NRXN3: variants seen among roughly 807,000 people sequenced by gnomAD.
NRXN3 encodes the protein neurexin 3, also known as neurexin III.
A neutral mutation model predicts 137.6 loss-of-function variants in NRXN3; 32 were observed. That is an observed-to-expected ratio of 0.23 (90% CI 0.18 to 0.31). The LOEUF is 0.31. NRXN3 is among the 10% of genes least tolerant of loss of function. The probability of loss-of-function intolerance (pLI) is 1.00; values close to 1 mark genes in which losing one functional copy is unlikely to be tolerated. For missense variants in NRXN3, 1,574 were observed against 2,062.5 expected (o/e 0.76, Z 4.59); for synonymous variants, 798 against 784.5 (o/e 1.02, Z -0.29).
chr14:79,668,789 C>T (rs1304957227), intron 17 of NRXN3, among the ~76,000 whole-genome samples: 3 of 151,998 alleles, frequency 2.0e-5, no homozygotes, highest in Admixed American at 6.6e-5. Flanking sequence ...TCTCATGTTT[C>T]CACAAGTGCC....
chr14:79,696,835 C>T (rs936221673), intron 18 of NRXN3, among the ~76,000 whole-genome samples: 2 of 151,866 alleles, frequency 1.3e-5, no homozygotes, highest in African/African-American at 4.8e-5. Flanking sequence ...TAATATCCAT[C>T]CATTTTAAAA....
At chr14:79,662,199 G>A (rs2098537612) in intron 16 of NRXN3, among the ~76,000 whole-genome samples, 1 of 152,056 alleles carries the variant, frequency 6.6e-6, no homozygotes. Flanking sequence ...TCACAGAATG[G>A]AAAGGACTAA....
intron 15 of NRXN3, among the ~76,000 whole-genome samples, chr14:79,274,675 A>G (rs771807076): frequency 6.6e-6 from 1 of 152,222 alleles, no homozygotes; most frequent in Non-Finnish European, 1.5e-5. Context: ...GTTCAAAGGA[A>G]GCTAAATAAG....
intron 4 of NRXN3, among the ~76,000 whole-genome samples, chr14:78,549,494 A>G (rs1297913147): frequency 6.6e-6 from 1 of 152,206 alleles, no homozygotes; most frequent in African/African-American, 2.4e-5. Context: ...CCAAGCTTAC[A>G]GTGCTGTTTG....
At chr14:78,392,303 T>C (rs1377385168) in intron 4 of NRXN3, among the ~76,000 whole-genome samples, 1 of 152,224 alleles carries the variant, frequency 6.6e-6, no homozygotes, top group Non-Finnish European at 1.5e-5. Flanking sequence ...TTCCTAACTC[T>C]GACACTCACT....
intron 1 of NRXN3, among the ~76,000 whole-genome samples, chr14:78,236,331 A>G (rs2066294787): frequency 6.6e-6 from 1 of 152,244 alleles, no homozygotes; most frequent in Admixed American, 6.5e-5. Context: ...GTTTACATAA[A>G]TGAAGCACAT....
intron 15 of NRXN3, among the ~76,000 whole-genome samples, chr14:79,176,891 A>G (rs1441001857): frequency 3.3e-5 from 5 of 152,242 alleles, no homozygotes; most frequent in Non-Finnish European, 7.3e-5. Context: ...CACTGGCTTC[A>G]TCACAGGATC....
At chr14:78,736,610 A>T (rs1288152638) in intron 8 of NRXN3, among the ~76,000 whole-genome samples, 1 of 152,232 alleles carries the variant, frequency 6.6e-6, no homozygotes, top group Non-Finnish European at 1.5e-5. Context: ...TCCCAACTCT[A>T]ATAGTAATAA....
chr14:78,336,411 A>C (rs993871952), intron 4 of NRXN3, among the ~76,000 whole-genome samples: 18 of 152,174 alleles, frequency 1.2e-4, no homozygotes, highest in African/African-American at 3.9e-4. Context: ...AGACAAACTC[A>C]TTATTTAGCA....
intron 19 of NRXN3, among the ~76,000 whole-genome samples, chr14:79,745,923 G>A (rs1230033366): frequency 6.6e-6 from 1 of 152,064 alleles, no homozygotes; most frequent in Non-Finnish European, 1.5e-5. Context: ...CTTCTTGTAA[G>A]ACACTAGTTA....
chr14:78,303,351 A>G (rs2077054978), intron 4 of NRXN3, among the ~76,000 whole-genome samples: 3 of 152,112 alleles, frequency 2.0e-5, no homozygotes, highest in South Asian at 2.1e-4. Context: ...ACTCCCCTCT[A>G]CTAGATTGCA....
chr14:78,962,719 TTTC>T (rs1490954347), intron 11 of NRXN3, among the ~76,000 whole-genome samples: 1 of 147,302 alleles, frequency 6.8e-6, no homozygotes, highest in East Asian at 2.4e-4. Context: ...TTTTTCTTTC[TTTC>T]TTTTTTTTTG....
intron 16 of NRXN3, among the ~76,000 whole-genome samples, chr14:79,645,104 C>A (rs2098447598): frequency 7.4e-6 from 1 of 135,724 alleles, no homozygotes. Flanking sequence ...AATCCCATTT[C>A]TGCTCTTAAG....
chr14:78,476,821 T>C (rs375050319), intron 4 of NRXN3, among the ~76,000 whole-genome samples: 1 of 152,218 alleles, frequency 6.6e-6, no homozygotes, highest in East Asian at 1.9e-4. Flanking sequence ...GCGTGTTGAT[T>C]CATGTAGTAA....
At chr14:79,389,090 G>A (rs1390178813) in intron 15 of NRXN3, among the ~76,000 whole-genome samples, 2 of 152,208 alleles carry the variant, frequency 1.3e-5, no homozygotes, top group Non-Finnish European at 2.9e-5. Context: ...TTAGCAGCAT[G>A]AGAACTGACT....
intron 16 of NRXN3, among the ~76,000 whole-genome samples, chr14:79,622,890 C>A (rs922043455): frequency 6.6e-6 from 1 of 152,124 alleles, no homozygotes; most frequent in Non-Finnish European, 1.5e-5. Context: ...GCCACCGCAC[C>A]CGGCCTATTA....
At chr14:78,577,784 A>T (rs1163619565) in intron 4 of NRXN3, among the ~76,000 whole-genome samples, 1 of 152,196 alleles carries the variant, frequency 6.6e-6, no homozygotes, top group Non-Finnish European at 1.5e-5. Flanking sequence ...CACAGAAGTT[A>T]AATAACTCAC....
At chr14:79,255,581 A>G (rs1245160549) in intron 15 of NRXN3, among the ~76,000 whole-genome samples, 8 of 152,264 alleles carry the variant, frequency 5.3e-5, no homozygotes, top group Admixed American at 5.2e-4. Flanking sequence ...AGATAATTTA[A>G]AGTAGAATGT....
chr14:79,097,380 C>T (rs185201333), intron 15 of NRXN3, among the ~76,000 whole-genome samples: 77 of 152,280 alleles, frequency 5.1e-4, no homozygotes, highest in Non-Finnish European at 1.3e-4. Flanking sequence ...AGAGGAACAG[C>T]CATTCTCTTT....
Sources: gnomAD v4.1 joint callset for allele counts (sites outside exome capture counted in the v4.1 genomes callset) on GRCh38, gnomAD v4.1.1 for gene constraint, MANE v1.5 for transcripts, NCBI Gene and HGNC (gene_info 2026-07-23, HGNC 2026-07-21) for gene names.